The following FER variants were observed in gnomAD, a reference collection of about 807,000 sequenced individuals.
FER encodes tyrosine-protein kinase Fer.
Under a neutral mutation model 111.0 loss-of-function variants are expected in FER, and 63 were observed. The ratio of observed to expected loss-of-function variants is 0.57; its 90% confidence interval spans 0.46 to 0.70. The LOEUF (loss-of-function observed/expected upper bound fraction) is 0.70. Ranked by LOEUF, FER falls within the 30% of genes least tolerant of loss-of-function variation. The pLI is 0.00. For synonymous variants in FER, 327 were observed against 313.9 expected, an observed-to-expected ratio of 1.04 and a Z score of -0.44; for missense variants, 914 against 954.0, an observed-to-expected ratio of 0.96 and a Z score of 0.55.
intron 10 of FER, among the ~76,000 whole-genome samples, chr5:108,938,884 C>T (rs1030580657): frequency 1.3e-5 from 2 of 151,914 alleles, no homozygotes; most frequent in Non-Finnish European, 2.9e-5. Flanking sequence ...CCCTTCCACC[C>T]CTACAGATTG....
intron 10 of FER, among the ~76,000 whole-genome samples, chr5:108,915,332 G>A (rs536684660): frequency 5.3e-4 from 80 of 152,150 alleles, no homozygotes; most frequent in African/African-American, 1.6e-3. Context: ...AATTAGCCAG[G>A]CGTGGTGGTG....
intron 2 of FER, among the ~76,000 whole-genome samples, chr5:108,783,215 C>T (rs78783252): frequency 1.3e-3 from 200 of 152,298 alleles, no homozygotes; most frequent in African/African-American, 4.3e-3. Flanking sequence ...AGCTCATTGA[C>T]TGTATCCTGT....
chr5:109,081,304 T>A (rs959524269), intron 16 of FER, among the ~76,000 whole-genome samples: 1 of 152,118 alleles, frequency 6.6e-6, no homozygotes, highest in Non-Finnish European at 1.5e-5. Flanking sequence ...ATGACTCTTA[T>A]CTCTTTCCTG....
At chr5:108,806,295 TC>T (rs1757202502) in intron 3 of FER, among the ~76,000 whole-genome samples, 1 of 152,174 alleles carries the variant, frequency 6.6e-6, no homozygotes, top group Admixed American at 6.5e-5. Context: ...TGCCTGGATG[TC>T]CCAGCAGAAG....
intron 16 of FER, among the ~76,000 whole-genome samples, chr5:109,097,578 A>G (rs1024593828): frequency 6.6e-6 from 1 of 151,952 alleles, no homozygotes; most frequent in Admixed American, 6.6e-5. Flanking sequence ...TGAAAATGAC[A>G]AAAGAACAAG....
Position 109,112,078 on chromosome 5 carries a change from G to A in FER, c.2048+11559G>A, listed in dbSNP as rs144568655. Among the ~76,000 whole-genome samples the A allele has an allele frequency of 4.7e-3, 719 of 151,544 alleles. 6 individuals are homozygous for A. The highest frequency in any genetic ancestry group is 0.017 in the African/African-American group (687 of 41,354). ...ACACAGTTTTATTTGCTTTTTGTGG[G>A]GAAAGAAGTAATGCAAATTTAAAAG... On this transcript the variant is annotated intron_variant, in intron 17 of 19. Coordinates refer to ENST00000281092, the MANE Select transcript of FER (RefSeq NM_005246.4).
chr5:108,884,524 T>TTTG (rs1554085821), intron 9 of FER, among the ~76,000 whole-genome samples: 1 of 139,852 alleles, frequency 7.2e-6, no homozygotes, highest in African/African-American at 2.8e-5. Context: ...TTTTTTTTTG[T>TTTG]TTGTTTGTTT....
chr5:108,989,826 C>G (rs1050727427), intron 13 of FER, among the ~76,000 whole-genome samples: 1 of 151,812 alleles, frequency 6.6e-6, no homozygotes, highest in African/African-American at 2.4e-5. Flanking sequence ...TACATTAATA[C>G]AAAATAGTAT....
rs1748096128 is a variant in FER at position 109,100,533 on chromosome 5, T to A, written c.2048+14T>A. 1.3e-6 allele frequency: 2 copies of A among 1,589,716 alleles called. No individual in the cohort carries two copies. Among genetic ancestry groups the A allele is most frequent in the East Asian group, 4.5e-5 (2 of 44,416 alleles). On this transcript the variant is annotated intron_variant, in intron 17 of 19. Transcript: ENST00000281092. The stretch of plus-strand genomic sequence containing the variant: ...CTGTATACACAGGTAAGGAGAACAT[T>A]TTTAAAGCAATTTTTGGTTTTATTA...
intron 16 of FER, among the ~76,000 whole-genome samples, chr5:109,093,888 C>T (rs1747140147): frequency 6.6e-6 from 1 of 152,108 alleles, no homozygotes; most frequent in Admixed American, 6.6e-5. Context: ...TTCGAGCCAA[C>T]ATATTATACA....
chr5:109,143,836 A>G (rs1231121954), intron 17 of FER, among the ~76,000 whole-genome samples: 1 of 150,824 alleles, frequency 6.6e-6, no homozygotes, highest in African/African-American at 2.4e-5. Flanking sequence ...TCTAAGAATT[A>G]CAGAATTTTG....
chr5:109,029,315 T>C (rs1193007985), intron 13 of FER, among the ~76,000 whole-genome samples: 1 of 150,780 alleles, frequency 6.6e-6, no homozygotes, highest in African/African-American at 2.4e-5. Context: ...GTTACATATG[T>C]ATACATGTGC....
intron 17 of FER, among the ~76,000 whole-genome samples, chr5:109,140,169 G>T (rs1753374182): frequency 6.6e-6 from 1 of 152,104 alleles, no homozygotes; most frequent in Non-Finnish European, 1.5e-5. Flanking sequence ...ATTAAAAATT[G>T]ATTATTTGAG....
chr5:109,119,126 G>C (rs1750645081), intron 17 of FER, among the ~76,000 whole-genome samples: 3 of 152,096 alleles, frequency 2.0e-5, no homozygotes, highest in Non-Finnish European at 2.9e-5. Context: ...GATCTTTCCT[G>C]CTTTCTCTTG....
chr5:109,187,435 T>A lies in FER; in HGVS notation c.2329T>A (p.Tyr777Asn). The part of the protein sequence containing the change: ...QQAREQVERG[Y>N]RMSAPQHCPE... Reference sequence around the variant, plus strand: ...TTCTCCTTCTCTTGGGTCTTCAGGATACCGGATGTCAGCTCCCCAGCACTG... The same window carrying A: ...TTCTCCTTCTCTTGGGTCTTCAGGAAACCGGATGTCAGCTCCCCAGCACTG... Residue 777 changes from tyrosine (Y) to asparagine (N), a missense_variant and splice_region_variant, in exon 20 of 20, where the codon TAC becomes AAC. Tyr to Asn is a moderately radical substitution (Grantham distance 143). Coordinates refer to ENST00000281092, the MANE Select transcript of FER (RefSeq NM_005246.4). The A allele has an allele frequency of 6.2e-7, 1 of 1,613,252 alleles. No individual in the cohort carries two copies. The highest frequency in any genetic ancestry group is 8.5e-7 in the Non-Finnish European group (1 of 1,179,674).
intron 13 of FER, among the ~76,000 whole-genome samples, chr5:109,028,887 C>T (rs1769165459): frequency 6.6e-6 from 1 of 151,606 alleles, no homozygotes; most frequent in Non-Finnish European, 1.5e-5. Context: ...TTACCAGGGG[C>T]TGATCACATA....
intron 16 of FER, among the ~76,000 whole-genome samples, chr5:109,096,850 A>G (rs1008209605): frequency 2.6e-5 from 4 of 151,684 alleles, no homozygotes; most frequent in African/African-American, 9.7e-5. Context: ...AATAGATGTT[A>G]TACAGCAAAC....
chr5:109,044,598 C>T (rs1771678818), intron 14 of FER, 82 bp from the exon 15 acceptor site: 3 of 659,458 alleles, frequency 4.5e-6, no homozygotes, highest in Admixed American at 2.8e-5. Context: ...GCACCTCCTC[C>T]TCTTTGGTAC....
At chr5:109,157,224 T>A (rs1302284926) in intron 17 of FER, among the ~76,000 whole-genome samples, 1 of 152,182 alleles carries the variant, frequency 6.6e-6, no homozygotes, top group Non-Finnish European at 1.5e-5. Context: ...TTAAATTGAA[T>A]CTGATCTTTA....
Sources: allele counts gnomAD v4.1 joint callset (sites outside exome capture counted in the v4.1 genomes callset), GRCh38; gene constraint gnomAD v4.1.1; transcripts MANE v1.5; gene names NCBI Gene and HGNC (gene_info 2026-07-23, HGNC 2026-07-21).